Variants in SAXO1 observed in about 807,000 individuals in gnomAD.
The protein encoded by SAXO1 is stabilizer of axonemal microtubules 1.
A neutral mutation model predicts 17.5 loss-of-function variants in SAXO1; 21 were observed. The ratio of observed to expected loss-of-function variants is 1.20; its 90% CI spans 0.85 to 1.72. The LOEUF is 1.72. Ranked by LOEUF, SAXO1 falls within the 40% of genes most tolerant of loss-of-function variation. The pLI is 0.00. For missense variants in SAXO1, 843 were observed against 596.0 expected (o/e 1.41, Z -4.32); for synonymous variants, 274 against 216.5 (o/e 1.27, Z -2.33).
intron 1 of SAXO1, among the ~76,000 whole-genome samples, chr9:19,030,305 C>A (rs10811104): frequency 0.48 from 73,340 of 151,946 alleles, 19,387 homozygotes; most frequent in African/African-American, 0.71. Flanking sequence ...TAATTTAGGA[C>A]CAGTTTCCAA....
At chr9:18,962,377 G>T (rs942070913) in intron 1 of SAXO1, among the ~76,000 whole-genome samples, 3 of 152,162 alleles carry the variant, frequency 2.0e-5, no homozygotes, top group Non-Finnish European at 1.5e-5. Context: ...TCTCATTGGG[G>T]ATTTGCATTT....
intron 1 of SAXO1, among the ~76,000 whole-genome samples, chr9:19,025,362 T>C (rs564357586): frequency 1.3e-5 from 2 of 152,320 alleles, no homozygotes; most frequent in East Asian, 3.8e-4. Flanking sequence ...AACCAAGTCC[T>C]CAATTTTTTT....
upstream of SAXO1, among the ~76,000 whole-genome samples, chr9:19,035,859 T>C (rs1835921141): frequency 6.6e-6 from 1 of 152,166 alleles, no homozygotes; most frequent in South Asian, 2.1e-4. Context: ...AGACGAAACT[T>C]CTAAGCAGCA....
chr9:18,981,677 G>T (rs1429297561), intron 1 of SAXO1, among the ~76,000 whole-genome samples: 8 of 152,156 alleles, frequency 5.3e-5, no homozygotes, highest in Non-Finnish European at 1.2e-4. Context: ...TGAGGGCCTG[G>T]AATGTGCCAG....
At chr9:18,938,452 G>T (rs1831394809) in intron 3 of SAXO1, among the ~76,000 whole-genome samples, 1 of 152,094 alleles carries the variant, frequency 6.6e-6, no homozygotes, top group African/African-American at 2.4e-5. Flanking sequence ...GAGAGCGCGA[G>T]TCGGGAGGTG....
intron 3 of SAXO1, among the ~76,000 whole-genome samples, chr9:18,938,817 C>CATGCGT (rs1396027780): frequency 3.2e-5 from 2 of 63,322 alleles, no homozygotes; most frequent in African/African-American, 1.3e-4. Context: ...TGCATGCGTG[C>CATGCGT]GTGCGTGTGT....
Position 18,933,784 on chromosome 9 carries a change from C to T in SAXO1, c.422-4729G>A, listed in dbSNP as rs372729132. ...TTTTTGGGCCGGGCACGGTGGCTCACGCCTGTAATCCCAGCACTTTGGGAG... is the reference window on the plus strand; with the variant it reads ...TTTTTGGGCCGGGCACGGTGGCTCATGCCTGTAATCCCAGCACTTTGGGAG... On this transcript the variant is annotated intron_variant, in intron 3 of 3. Coordinates refer to ENST00000380534, the MANE Select transcript of SAXO1 (RefSeq NM_153707.4). Among the ~76,000 whole-genome samples the T allele has an allele frequency of 9.7e-4, 148 of 152,312 alleles. 1 individual carries two copies. The highest frequency in any genetic ancestry group is 1.7e-3 in the Non-Finnish European group (116 of 68,032).
At chr9:19,040,860 G>T (rs1836062752) in intron 1 of SAXO1, among the ~76,000 whole-genome samples, 1 of 151,712 alleles carries the variant, frequency 6.6e-6, no homozygotes, top group African/African-American at 2.4e-5. Flanking sequence ...AAAATTGAGT[G>T]GTGGTAACAG....
chr9:18,934,188 T>C (rs1446547492), intron 3 of SAXO1, among the ~76,000 whole-genome samples: 1 of 152,220 alleles, frequency 6.6e-6, no homozygotes, highest in Non-Finnish European at 1.5e-5. Flanking sequence ...TTGTACTTAT[T>C]CTATTTGGAT....
intron 1 of SAXO1, among the ~76,000 whole-genome samples, chr9:19,006,365 CA>C (rs1834481208): frequency 6.6e-6 from 1 of 152,180 alleles, no homozygotes; most frequent in Non-Finnish European, 1.5e-5. Flanking sequence ...AGAAACAACT[CA>C]AATGTCCATC....
chr9:19,027,446 C>A (rs1835536132), intron 1 of SAXO1: 29 of 764,436 alleles, frequency 3.8e-5, no homozygotes, highest in Non-Finnish European at 6.7e-5. Context: ...GTGGAGGCCA[C>A]TGTCTTGTCA....
chr9:18,927,795 T>C lies in SAXO1; in HGVS notation c.*257A>G. On this transcript the variant is annotated 3_prime_UTR_variant, in exon 4 of 4. Coordinates refer to ENST00000380534, the MANE Select transcript of SAXO1 (RefSeq NM_153707.4). ...CCCTCACAGACCAACTTTGATTCCA[T>C]AAGCACAAAGTAAAGGACCTGAAAC... The C allele has an allele frequency of 5.1e-6, 2 of 392,628 alleles. No homozygotes were observed. The highest frequency in any genetic ancestry group is 9.0e-6 in the Non-Finnish European group (2 of 221,132). 24.3% of individuals were successfully genotyped at this position (392,628 alleles called of 1,614,324 possible).
At chr9:19,018,386 C>T (rs559570224) in intron 1 of SAXO1, among the ~76,000 whole-genome samples, 20 of 152,242 alleles carry the variant, frequency 1.3e-4, no homozygotes, top group African/African-American at 4.6e-4. Flanking sequence ...CCATCGTTGG[C>T]AGGAAGGTGC....
chr9:19,035,280 C>T (rs10963925), upstream of SAXO1, among the ~76,000 whole-genome samples: 73,206 of 152,016 alleles, frequency 0.48, 19,139 homozygotes, highest in African/African-American at 0.7. Flanking sequence ...CCCCATACTG[C>T]TCTTATGATA....
Position 18,956,465 on chromosome 9 carries a change from C to CGTGGAG in SAXO1, c.39-5529_39-5528insCTCCAC, listed in dbSNP as rs563037545. On this transcript the variant is annotated intron_variant, in intron 1 of 3. Coordinates refer to ENST00000380534, the MANE Select transcript of SAXO1 (RefSeq NM_153707.4). ...GGATACTTATGACTTGTCTTGCCTCCACCAGTCTTCTGGATCCCCTGCTGA... is the reference window on the plus strand; with the variant it reads ...GGATACTTATGACTTGTCTTGCCTCCGTGGAGACCAGTCTTCTGGATCCCCTGCTGA... 7.3e-4 allele frequency among the ~76,000 whole-genome samples: 111 copies of CGTGGAG among 152,186 alleles called. No individual in the cohort carries two copies. In the East Asian group the frequency reaches 0.02, roughly 27 times the overall value.
chr9:18,967,452 G>C (rs913097610), intron 1 of SAXO1, among the ~76,000 whole-genome samples: 1 of 152,216 alleles, frequency 6.6e-6, no homozygotes, highest in Non-Finnish European at 1.5e-5. Context: ...GCCCAGAGAG[G>C]AGGAATCTAG....
At chr9:19,035,188 A>G (rs935275972), upstream of SAXO1, among the ~76,000 whole-genome samples, 2 of 152,156 alleles carry the variant, frequency 1.3e-5, no homozygotes, top group African/African-American at 2.4e-5. Context: ...ACCCAAATCT[A>G]ATCTTGAATT....
intron 1 of SAXO1, among the ~76,000 whole-genome samples, chr9:19,003,162 A>G (rs547437296): frequency 1.3e-5 from 2 of 152,194 alleles, no homozygotes; most frequent in Non-Finnish European, 2.9e-5. Context: ...AAGAGAATAA[A>G]ATACCTAGGA....
chr9:18,942,609 C>G (rs1026440785), intron 2 of SAXO1, among the ~76,000 whole-genome samples: 25 of 152,228 alleles, frequency 1.6e-4, no homozygotes, highest in African/African-American at 5.8e-4. Flanking sequence ...TCTCTGCTAT[C>G]TGGTGTCTGC....
Sources: allele counts gnomAD v4.1 joint callset (sites outside exome capture counted in the v4.1 genomes callset), GRCh38; gene constraint gnomAD v4.1.1; transcripts MANE v1.5; gene names NCBI Gene and HGNC (gene_info 2026-07-23, HGNC 2026-07-21).